ZFP90: variants seen among roughly 807,000 people sequenced by gnomAD.
ZFP90 encodes the protein zinc finger protein 90 homolog.
In ZFP90, 38 loss-of-function variants were observed where a neutral mutation model predicts 60.8. That is an observed-to-expected ratio of 0.62 (90% confidence interval 0.48 to 0.82). The LOEUF is 0.82. Ranked by LOEUF, ZFP90 falls within the 40% of genes least tolerant of loss-of-function variation. ZFP90 has a pLI of 0.00. For synonymous variants in ZFP90, 287 were observed against 264.8 expected, an observed-to-expected ratio of 1.08 and a Z score of -0.82; for missense variants, 711 against 759.1, an observed-to-expected ratio of 0.94 and a Z score of 0.74.
chr16:68,546,570 G>C (rs1260687403), intron 2 of ZFP90, among the ~76,000 whole-genome samples: 1 of 152,190 alleles, frequency 6.6e-6, no homozygotes, highest in East Asian at 1.9e-4. Flanking sequence ...AGGCTGGAGT[G>C]AGTGGTGCAA....
At chr16:68,549,172 T>A (rs2091209539) in intron 2 of ZFP90, among the ~76,000 whole-genome samples, 1 of 152,044 alleles carries the variant, frequency 6.6e-6, no homozygotes, top group East Asian at 1.9e-4. Flanking sequence ...GGAAATGTGG[T>A]GAGAGTGCAC....
chr16:68,558,019 GTGTC>G lies in ZFP90; in HGVS notation c.59_62del (p.Ser20TrpfsTer22), dbSNP rs1377715703. On this transcript the variant is annotated frameshift_variant, in exon 3 of 5. Coordinates refer to ENST00000563169, the MANE Select transcript of ZFP90 (RefSeq NM_001305203.2). LOFTEE classifies it high-confidence loss of function. ...ACAGGAATCAGTGACATTCAAAGATGTGTCTGTGGACTTCACCCAGGAAGAATGG... is the reference window on the plus strand; with the variant it reads ...ACAGGAATCAGTGACATTCAAAGATGTGTGGACTTCACCCAGGAAGAATGG... 6.2e-7 allele frequency: 1 copy of G among 1,613,698 alleles called. No individual in the cohort carries two copies.
In ZFP90 at chr16:68,564,841, A is replaced by AATT. The variant is rs2091500296; in HGVS notation, c.*143_*144insATT. ...TGTGGAGAAAACTGCCAGTAGACAGATTTTTTTTTTTTAACATAAAGACAC... is the reference window on the plus strand; with the variant it reads ...TGTGGAGAAAACTGCCAGTAGACAGAATTTTTTTTTTTTTTAACATAAAGACAC... On this transcript the variant is annotated 3_prime_UTR_variant, in exon 5 of 5. Coordinates refer to ENST00000563169, the MANE Select transcript of ZFP90 (RefSeq NM_001305203.2). 3.5e-5 allele frequency: 47 copies of AATT among 1,344,662 alleles called. No homozygotes were observed. The South Asian group carries it at 8.5e-4, about 24-fold the overall frequency. The allele number at this position is 1,344,662 out of a possible 1,614,324, so 83.3% of individuals were successfully genotyped here. A position where few individuals can be genotyped will look rare whatever the true frequency, so the allele number is the denominator to read the frequency against.
At chr16:68,576,348 T>A (rs986507361), downstream of ZFP90, among the ~76,000 whole-genome samples, 1 of 152,204 alleles carries the variant, frequency 6.6e-6, no homozygotes, top group African/African-American at 2.4e-5. Context: ...GGCAATTGTT[T>A]AACATCATTG....
intron 2 of ZFP90, among the ~76,000 whole-genome samples, chr16:68,545,973 G>A (rs537770231): frequency 2.0e-5 from 3 of 152,156 alleles, no homozygotes; most frequent in Admixed American, 6.5e-5. Flanking sequence ...CCAGGAGTTC[G>A]AAACCAACCT....
intron 2 of ZFP90, among the ~76,000 whole-genome samples, chr16:68,549,595 C>A (rs901025629): frequency 2.1e-5 from 3 of 142,418 alleles, no homozygotes; most frequent in African/African-American, 5.2e-5. Flanking sequence ...AGGAGAATGG[C>A]GTGAACCTGG....
rs577013003 is a variant in ZFP90 at position 68,546,539 on chromosome 16, C to T, written c.33+6714C>T. On this transcript the variant is annotated intron_variant, in intron 2 of 4. Coordinates refer to ENST00000563169, the MANE Select transcript of ZFP90 (RefSeq NM_001305203.2). ...TGTTTTGTTTTGTTTTTTATTAAGA[C>T]GGATTCTTGCTCTGTCACCCAGGCT... Among the ~76,000 whole-genome samples the T allele has an allele frequency of 4.6e-3, 706 of 152,228 alleles. 6 individuals are homozygous for T. Among genetic ancestry groups the T allele is most frequent in the Non-Finnish European group, 4.6e-3 (313 of 68,014 alleles).
chr16:68,555,922 T>C (rs1285170089), intron 2 of ZFP90, among the ~76,000 whole-genome samples: 3 of 152,350 alleles, frequency 2.0e-5, no homozygotes, highest in Middle Eastern at 3.4e-3. Flanking sequence ...CTTCCCTCAC[T>C]GCTCCAGCTA....
chr16:68,570,715 G>T (rs1378936818), downstream of ZFP90, among the ~76,000 whole-genome samples: 1 of 152,098 alleles, frequency 6.6e-6, no homozygotes, highest in East Asian at 1.9e-4. Flanking sequence ...AGTCCTGCTG[G>T]TCTCTTACCT....
chr16:68,565,243 C>T lies in ZFP90; in HGVS notation c.*545C>T, dbSNP rs144727104. ...GTGAAGTGGTTTCCACAGTATGATA[C>T]AGCCTATAAGGGTAAAGCTGGGTTA... On this transcript the variant is annotated 3_prime_UTR_variant, in exon 5 of 5. Transcript: ENST00000563169. The T allele has an allele frequency of 1.3e-5, 13 of 985,528 alleles. No homozygotes were observed. In the African/African-American group the frequency reaches 2.3e-4, roughly 17 times the overall value. The allele number at this position is 985,528 out of a possible 1,614,324, so 61.0% of individuals were successfully genotyped here.
At chr16:68,544,771 A>ACAGGAGGT (rs1038254127) in intron 2 of ZFP90, among the ~76,000 whole-genome samples, 5 of 150,912 alleles carry the variant, frequency 3.3e-5, no homozygotes, top group Non-Finnish European at 7.4e-5. Flanking sequence ...GCCTGAGCTG[A>ACAGGAGGT]CAGGAGGTGG....
At chr16:68,568,987 A>G (rs912937429), downstream of ZFP90, among the ~76,000 whole-genome samples, 2 of 151,056 alleles carry the variant, frequency 1.3e-5, no homozygotes, top group East Asian at 4.0e-4. Flanking sequence ...CAATCATGGC[A>G]TATTCTTATA....
intron 2 of ZFP90, among the ~76,000 whole-genome samples, chr16:68,548,313 C>T (rs1310346409): frequency 6.6e-6 from 1 of 152,090 alleles, no homozygotes; most frequent in African/African-American, 2.4e-5. Flanking sequence ...TTTTTATAGA[C>T]AAGATGTTTT....
At chr16:68,571,513 C>G (rs909463603), downstream of ZFP90, among the ~76,000 whole-genome samples, 1 of 152,198 alleles carries the variant, frequency 6.6e-6, no homozygotes, top group African/African-American at 2.4e-5. Flanking sequence ...ACACAACCAC[C>G]TGCTTGGTTT....
rs181520167 is a variant in ZFP90 at position 68,539,325 on chromosome 16, C to T, written c.-190C>T. 2.4e-3 allele frequency: 406 copies of T among 170,510 alleles called. No homozygotes were observed. Among genetic ancestry groups the T allele is most frequent in the Non-Finnish European group, 3.8e-3 (307 of 80,522 alleles). 10.6% of individuals were successfully genotyped at this position (170,510 alleles called of 1,614,324 possible). A position where few individuals can be genotyped will look rare whatever the true frequency, so the allele number is the denominator to read the frequency against. Reference sequence around the variant, plus strand: ...TCTGCCCCACCGCTGCGGCCATTGTCCGACCCCGGTGCGGCTGAGGCCCCT... The same window carrying T: ...TCTGCCCCACCGCTGCGGCCATTGTTCGACCCCGGTGCGGCTGAGGCCCCT... On this transcript the variant is annotated 5_prime_UTR_variant, in exon 1 of 5. Coordinates refer to ENST00000563169, the MANE Select transcript of ZFP90 (RefSeq NM_001305203.2).
chr16:68,566,843 G>A lies in ZFP90; in HGVS notation c.*2145G>A, dbSNP rs2091535803. On this transcript the variant is annotated 3_prime_UTR_variant, in exon 5 of 5. Coordinates refer to ENST00000563169, the MANE Select transcript of ZFP90 (RefSeq NM_001305203.2). ...CATGAATTGTAACCAACTGAGTGCTGCCCCCACTGTTACGGAAGTTTATAA... is the reference window on the plus strand; with the variant it reads ...CATGAATTGTAACCAACTGAGTGCTACCCCCACTGTTACGGAAGTTTATAA... The A allele has an allele frequency of 2.0e-6, 2 of 985,428 alleles. No individual in the cohort carries two copies. The highest frequency in any genetic ancestry group is 2.4e-6 in the Non-Finnish European group (2 of 829,960). 61.0% of individuals were successfully genotyped at this position (985,428 alleles called of 1,614,324 possible). A position where few individuals can be genotyped will look rare whatever the true frequency, so the allele number is the denominator to read the frequency against.
At chr16:68,574,960 C>G (rs922548672) in intron 2 of ZFP90, among the ~76,000 whole-genome samples, 1 of 138,838 alleles carries the variant, frequency 7.2e-6, no homozygotes, top group Non-Finnish European at 1.6e-5. Context: ...AAAAAAGAGA[C>G]ACTGTGAAAC....
At chr16:68,537,181 A>G (rs1303952110), upstream of ZFP90, among the ~76,000 whole-genome samples, 2 of 151,012 alleles carry the variant, frequency 1.3e-5, no homozygotes, top group African/African-American at 4.9e-5. Flanking sequence ...GTTGGAGTGC[A>G]GTGGTGCAAT....
chr16:68,565,009 C>G lies in ZFP90; in HGVS notation c.*311C>G, dbSNP rs371676450. ...AGTTTCAACATCTTGACTTGTGACC[C>G]CCAATGTCAACAGCTTTTTTAAAAA... On this transcript the variant is annotated 3_prime_UTR_variant, in exon 5 of 5. Coordinates refer to ENST00000563169, the MANE Select transcript of ZFP90 (RefSeq NM_001305203.2). The G allele has an allele frequency of 9.4e-7, 1 of 1,060,506 alleles. No homozygotes were observed. The highest frequency in any genetic ancestry group is 1.1e-6 in the Non-Finnish European group (1 of 879,418). The allele number at this position is 1,060,506 out of a possible 1,614,324, so 65.7% of individuals were successfully genotyped here.
Sources: gnomAD v4.1 joint callset for allele counts (sites outside exome capture counted in the v4.1 genomes callset) on GRCh38, gnomAD v4.1.1 for gene constraint, MANE v1.5 for transcripts, NCBI Gene and HGNC (gene_info 2026-07-23, HGNC 2026-07-21) for gene names.